ITGA6: variants seen among roughly 807,000 people sequenced by gnomAD.
ITGA6 encodes the protein integrin subunit alpha 6, also known as integrin alpha-6.
A neutral mutation model predicts 133.6 loss-of-function variants in ITGA6; 63 were observed. The ratio of observed to expected loss-of-function variants is 0.47; its 90% CI spans 0.38 to 0.58. The LOEUF (loss-of-function observed/expected upper bound fraction) is 0.58, where lower values mean the gene tolerates loss of function less well. Ranked by LOEUF, ITGA6 falls within the 20% of genes least tolerant of loss-of-function variation. ITGA6 has a pLI of 0.00. For missense variants in ITGA6, 1,068 were observed against 1,309.4 expected (o/e 0.82, Z 2.85); for synonymous variants, 434 against 482.0 (o/e 0.90, Z 1.30).
At chr2:172,495,485 TC>T (rs754667974) in intron 23 of ITGA6, 8 of 152,102 alleles carry the variant, frequency 5.3e-5, no homozygotes, top group Admixed American at 2.6e-4. Context: ...ATGGCCAGCT[TC>T]CCCTTGTTCT....
intron 1 of ITGA6, among the ~76,000 whole-genome samples, chr2:172,450,287 A>C (rs1238863590): frequency 6.6e-6 from 1 of 152,216 alleles, no homozygotes; most frequent in South Asian, 2.1e-4. Context: ...AGTTGCAAAG[A>C]ACAGATGTGG....
intron 1 of ITGA6, 182 bp downstream of exon 1, chr2:172,428,152 C>G (rs13009591): frequency 5.6e-6 from 2 of 358,582 alleles, no homozygotes; most frequent in Non-Finnish European, 9.3e-6. Context: ...CCCCGCGCGG[C>G]GCCTCCCTCC....
intron 5 of ITGA6, 123 bp from the exon 6 acceptor site, chr2:172,473,932 T>TGG (rs145810451): frequency 0.073 from 47,699 of 651,182 alleles, 2,168 homozygotes; most frequent in Middle Eastern, 0.12. Context: ...TGATAGCTGG[T>TGG]GGGAGGGTCA....
At position 172,505,488 on chromosome 2, in the gene ITGA6, A is replaced by T. The variant is rs200292552; in HGVS notation, c.*1420A>T. On this transcript the variant is annotated 3_prime_UTR_variant, in exon 26 of 26. Coordinates refer to ENST00000684293, the MANE Select transcript of ITGA6 (RefSeq NM_000210.4). Reference sequence around the variant, plus strand: ...AAATTACTTTGGGGCTAATTTAACAAGAACTTTAAATTGTGTTTTAATTGT... The same window carrying T: ...AAATTACTTTGGGGCTAATTTAACATGAACTTTAAATTGTGTTTTAATTGT... The T allele has an allele frequency of 3.9e-5, 6 of 152,554 alleles. No individual in the cohort carries two copies. The East Asian group carries it at 1.2e-3, about 29-fold the overall frequency. 9.5% of individuals were successfully genotyped at this position (152,554 alleles called of 1,614,324 possible).
chr2:172,490,999 C>G lies in ITGA6; in HGVS notation c.2680-25C>G, dbSNP rs773793191. 12 of 1,123,476 alleles carry G rather than the reference C, an allele frequency of 1.1e-5. No individual in the cohort carries two copies. In the African/African-American group the frequency reaches 1.8e-4, roughly 17 times the overall value. 69.6% of individuals were successfully genotyped at this position (1,123,476 alleles called of 1,614,324 possible). A position where few individuals can be genotyped will look rare whatever the true frequency, so the allele number is the denominator to read the frequency against. ...TGACAAAGAATTACATAAATTGGAA[C>G]TATTTTGGATATAATTTTTTTCAGG... On this transcript the variant is annotated intron_variant, in intron 20 of 25. Coordinates refer to ENST00000684293, the MANE Select transcript of ITGA6 (RefSeq NM_000210.4).
rs940135840 is a variant in ITGA6, at chr2:172,450,229, G to T, written c.183-15310G>T. On this transcript the variant is annotated intron_variant, in intron 1 of 25. Transcript: ENST00000684293. ...GCCCATCGGAACCCACTGGAGGGCT[G>T]TAAGCAGAGGAATGATGTGATATGA... 3.3e-5 allele frequency among the ~76,000 whole-genome samples: 5 copies of T among 152,336 alleles called. No homozygotes were observed. In the East Asian group the frequency reaches 9.6e-4, roughly 29 times the overall value.
intron 5 of ITGA6, 82 bp downstream of exon 5, chr2:172,471,187 T>C: frequency 1.3e-6 from 2 of 1,539,228 alleles, no homozygotes; most frequent in Non-Finnish European, 1.8e-6. Context: ...CTATGGCCCC[T>C]GGACTTCTAG....
Position 172,488,009 on chromosome 2 carries a change from G to T in ITGA6, c.2373G>T (p.Val791=). 1 of 1,613,924 alleles carries T rather than the reference G, an allele frequency of 6.2e-7. No homozygotes were observed. The highest frequency in any genetic ancestry group is 8.5e-7 in the Non-Finnish European group (1 of 1,179,870). Residue 791 remains valine (V), a synonymous_variant, in exon 18 of 26, where the codon GTG becomes GTT. Transcript: ENST00000684293. ...CTCCAATTACAGCTAAAGCAAAAGT[G>T]GTTATTGAACTGCTTTTATCGGTCT... ...NLAPITAKAK[V]VIELLLSVSG...
At chr2:172,472,692 C>T (rs1574374389) in intron 5 of ITGA6, 4 of 872,432 alleles carry the variant, frequency 4.6e-6, no homozygotes, top group South Asian at 2.8e-5. Flanking sequence ...CCTCATCCAG[C>T]GAGAACAGCA....
chr2:172,466,162 ATGAGGTAG>A, intron 2 of ITGA6: 1 of 211,578 alleles, frequency 4.7e-6, no homozygotes, highest in Non-Finnish European at 9.7e-6. Flanking sequence ...AGAAGATACC[ATGAGGTAG>A]GCATGTTGAC....
At position 172,503,059 on chromosome 2, in the gene ITGA6, A is replaced by C. The variant is rs140379464; in HGVS notation, c.*23-1032A>C. On this transcript the variant is annotated intron_variant, in intron 25 of 25. Transcript: ENST00000684293. ...TTTGCCTATTGATTTAGTGATAACT[A>C]TACATATAATTTTATCTTGCTCCAT... Among the ~76,000 whole-genome samples the C allele has an allele frequency of 4.3e-3, 662 of 152,238 alleles. 3 individuals are homozygous for C. The highest frequency in any genetic ancestry group is 0.01 in the Middle Eastern group (3 of 294).
Position 172,487,574 on chromosome 2 carries a change from C to G in ITGA6, c.2188C>G (p.Gln730Glu). 6.2e-7 allele frequency: 1 copy of G among 1,614,152 alleles called. No individual in the cohort carries two copies. The highest frequency in any genetic ancestry group is 8.5e-7 in the Non-Finnish European group (1 of 1,180,002). Reference sequence around the variant, plus strand: ...GAAACAGTTGAGTTGTGTTGCCAACCAGAATGGCTCGCAAGCTGACTGTGA... The same window carrying G: ...GAAACAGTTGAGTTGTGTTGCCAACGAGAATGGCTCGCAAGCTGACTGTGA... Reference protein sequence around the residue: ...PEKQLSCVANQNGSQADCELG... With the variant: ...PEKQLSCVANENGSQADCELG... Residue 730 changes from glutamine to glutamate, a missense_variant, in exon 16 of 26, where the codon CAG (glutamine) becomes GAG (glutamate). Gln to Glu is a conservative substitution (Grantham distance 29). This residue lies in a region of ITGA6 where 609 missense variants were observed against 707.2 expected (regional missense o/e 0.86). Coordinates refer to ENST00000684293, the MANE Select transcript of ITGA6 (RefSeq NM_000210.4).
Position 172,498,012 on chromosome 2 carries a change from A to G in ITGA6, c.3026A>G (p.Gln1009Arg), listed in dbSNP as rs1559157343. 4 of 1,613,842 alleles carry G rather than the reference A, an allele frequency of 2.5e-6. No homozygotes were observed. The highest frequency in any genetic ancestry group is 2.2e-5 in the East Asian group (1 of 44,866). The stretch of plus-strand genomic sequence containing the variant: ...GTGTTTCCCTCAAAGACTGTAGCTC[A>G]GTATTCGGGAGTACCTTGGTGGATC... The part of the protein sequence containing the change: ...VTVFPSKTVA[Q>R]YSGVPWWIIL... The change falls in exon 24 of 26, where the codon CAG becomes CGG. Residue 1009 changes from glutamine (Q) to arginine (R), a missense_variant. Coordinates refer to ENST00000684293, the MANE Select transcript of ITGA6 (RefSeq NM_000210.4).
rs539472630 is a variant in ITGA6, at chr2:172,465,147, T to G, written c.183-392T>G. The G allele has an allele frequency of 5.1e-4, 145 of 286,812 alleles. 2 individuals carry two copies. Among genetic ancestry groups the G allele is most frequent in the South Asian group, 3.6e-3 (97 of 27,024 alleles). The allele number at this position is 286,812 out of a possible 1,614,324, so 17.8% of individuals were successfully genotyped here. ...TGCTTATTACATTTAGTGTGGCCAT[T>G]TTTTCCTTCCATTGTCACAAGTATT... On this transcript the variant is annotated intron_variant, in intron 1 of 25. Transcript: ENST00000684293.
chr2:172,465,297 A>T, intron 1 of ITGA6: 1 of 581,902 alleles, frequency 1.7e-6, no homozygotes, highest in Non-Finnish European at 3.1e-6. Context: ...ATACTATGAG[A>T]GACAGGCCTA....
At position 172,475,128 on chromosome 2, in the gene ITGA6, T is replaced by A. The variant is rs1219692113; in HGVS notation, c.1180+6T>A. 1 of 1,454,684 alleles carries A rather than the reference T, an allele frequency of 6.9e-7. No homozygotes were observed. Among genetic ancestry groups the A allele is most frequent in the East Asian group, 2.3e-5 (1 of 44,320 alleles). The allele number at this position is 1,454,684 out of a possible 1,614,324, so 90.1% of individuals were successfully genotyped here. A position where few individuals can be genotyped will look rare whatever the true frequency, so the allele number is the denominator to read the frequency against. On this transcript the variant is annotated splice_donor_region_variant and intron_variant, in intron 7 of 25. Coordinates refer to ENST00000684293, the MANE Select transcript of ITGA6 (RefSeq NM_000210.4). Reference sequence around the variant, plus strand: ...TAATCAAGATGGCTACCCAGGTAGATAATAGATTATGAAATGGCTATGATT... The same window carrying A: ...TAATCAAGATGGCTACCCAGGTAGAAAATAGATTATGAAATGGCTATGATT...
chr2:172,489,894 T>C (rs1277062694), intron 20 of ITGA6: 1 of 469,460 alleles, frequency 2.1e-6, no homozygotes, highest in Admixed American at 3.5e-5. Context: ...CTGAGGCAAA[T>C]GGTATTTTCT....
intron 1 of ITGA6, among the ~76,000 whole-genome samples, chr2:172,448,603 G>A (rs1037892134): frequency 3.9e-5 from 6 of 152,172 alleles, no homozygotes; most frequent in Non-Finnish European, 8.8e-5. Context: ...TTTGAAAGTA[G>A]GCTATGTTTG....
chr2:172,451,211 T>C (rs189419840), intron 1 of ITGA6, among the ~76,000 whole-genome samples: 1 of 151,596 alleles, frequency 6.6e-6, no homozygotes, highest in East Asian at 1.9e-4. Flanking sequence ...GGTGGTGTAA[T>C]CCCAGCACTT....
Sources: allele counts gnomAD v4.1 joint callset (sites outside exome capture counted in the v4.1 genomes callset), GRCh38; gene constraint gnomAD v4.1.1; regional missense constraint gnomAD v4.1.1; transcripts MANE v1.5; gene names NCBI Gene and HGNC (gene_info 2026-07-23, HGNC 2026-07-21).